Variants in TPST1 observed in about 807,000 individuals in gnomAD.
TPST1 encodes protein-tyrosine sulfotransferase 1.
TPST1 carries 20 observed loss-of-function variants against 34.8 expected under a neutral mutation model. The observed-to-expected ratio is 0.57, with a 90% CI of 0.40 to 0.84. The LOEUF is 0.84. TPST1 is among the 40% of genes least tolerant of loss of function. The pLI is 0.00. For missense variants in TPST1, 353 were observed against 455.5 expected, an observed-to-expected ratio of 0.78 and a Z score of 2.05; for synonymous variants, 152 against 159.4, an observed-to-expected ratio of 0.95 and a Z score of 0.35.
At chr7:66,357,624 C>T (rs1792606866) in intron 5 of TPST1, among the ~76,000 whole-genome samples, 1 of 152,184 alleles carries the variant, frequency 6.6e-6, no homozygotes, top group African/African-American at 2.4e-5. Context: ...TCATGAGTGG[C>T]AAAGCTGGTT....
intron 3 of TPST1, among the ~76,000 whole-genome samples, chr7:66,324,438 T>C (rs1791819594): frequency 1.3e-5 from 2 of 152,184 alleles, no homozygotes; most frequent in South Asian, 2.1e-4. Flanking sequence ...TTTACATATA[T>C]ACTTTTATTA....
intron 3 of TPST1, among the ~76,000 whole-genome samples, chr7:66,314,097 T>G (rs766857707): frequency 2.6e-5 from 4 of 152,200 alleles, no homozygotes; most frequent in African/African-American, 4.8e-5. Context: ...CTAGGTAAAT[T>G]GTGTGGTTTC....
chr7:66,315,382 G>T (rs926049481), intron 3 of TPST1, among the ~76,000 whole-genome samples: 3 of 152,230 alleles, frequency 2.0e-5, no homozygotes, highest in African/African-American at 7.2e-5. Context: ...TCAGCACAGA[G>T]GCAAGGTTGA....
chr7:66,202,176 T>G (rs1309618071), upstream of TPST1, among the ~76,000 whole-genome samples: 1 of 152,202 alleles, frequency 6.6e-6, no homozygotes, highest in Non-Finnish European at 1.5e-5. Flanking sequence ...CTATATGTGT[T>G]GGGGCAGATT....
chr7:66,347,434 GT>G (rs1391005377), intron 3 of TPST1, among the ~76,000 whole-genome samples: 1 of 152,094 alleles, frequency 6.6e-6, no homozygotes, highest in African/African-American at 2.4e-5. Context: ...TGAAGAGACT[GT>G]TCTTTCCCCA....
chr7:66,261,969 A>C (rs973652221), intron 2 of TPST1, among the ~76,000 whole-genome samples: 1 of 152,136 alleles, frequency 6.6e-6, no homozygotes, highest in Non-Finnish European at 1.5e-5. Flanking sequence ...ATGCCAGGAG[A>C]ACCATGTCTG....
chr7:66,271,025 A>G (rs943446953), intron 2 of TPST1, among the ~76,000 whole-genome samples: 2 of 152,226 alleles, frequency 1.3e-5, no homozygotes, highest in East Asian at 1.9e-4. Context: ...TACAAAAAGC[A>G]TAATAAATAC....
At chr7:66,324,800 CAAAAAAAAAAA>C (rs56389964) in intron 3 of TPST1, among the ~76,000 whole-genome samples, 24 of 109,272 alleles carry the variant, frequency 2.2e-4, no homozygotes, top group African/African-American at 3.4e-4. Flanking sequence ...GACTCTGTCT[CAAAAAAAAAAA>C]AAAAAAAAAA....
At chr7:66,241,688 A>G (rs1790039453) in intron 2 of TPST1, among the ~76,000 whole-genome samples, 1 of 152,204 alleles carries the variant, frequency 6.6e-6, no homozygotes, top group African/African-American at 2.4e-5. Context: ...AAAATCAGGA[A>G]GTGCATATAT....
At chr7:66,245,229 G>A (rs1790123045) in intron 2 of TPST1, among the ~76,000 whole-genome samples, 2 of 152,202 alleles carry the variant, frequency 1.3e-5, no homozygotes, top group Admixed American at 1.3e-4. Context: ...CACCACTGCA[G>A]GAGGTACAGG....
At chr7:66,215,771 CTTTCT>C (rs1789389778) in intron 1 of TPST1, among the ~76,000 whole-genome samples, 2 of 108,532 alleles carry the variant, frequency 1.8e-5, no homozygotes, top group African/African-American at 3.7e-5. Context: ...TTTTCTTTTT[CTTTCT>C]TTTTTTTTTT....
intron 3 of TPST1, among the ~76,000 whole-genome samples, chr7:66,345,520 A>G (rs1009008871): frequency 2.4e-4 from 36 of 150,708 alleles, no homozygotes; most frequent in Admixed American, 1.3e-4. Flanking sequence ...AAAAAGATAA[A>G]TACAAGAAAG....
chr7:66,355,983 C>G (rs556542060), intron 4 of TPST1, among the ~76,000 whole-genome samples: 3 of 148,662 alleles, frequency 2.0e-5, no homozygotes, highest in Non-Finnish European at 3.0e-5. Flanking sequence ...TAAGCCCAGA[C>G]AGCTGTGATT....
At chr7:66,311,406 T>C (rs1732533690) in intron 3 of TPST1, among the ~76,000 whole-genome samples, 2 of 152,214 alleles carry the variant, frequency 1.3e-5, no homozygotes, top group Admixed American at 6.5e-5. Context: ...CCCAAAGTGC[T>C]GGGATTACAG....
intron 1 of TPST1, among the ~76,000 whole-genome samples, chr7:66,238,219 G>C (rs1789950926): frequency 6.6e-6 from 1 of 152,078 alleles, no homozygotes; most frequent in African/African-American, 2.4e-5. Context: ...AGTTCCTTCA[G>C]ACCTCCAATA....
Position 66,241,072 on chromosome 7 carries a change from A to G in TPST1, c.647A>G (p.Asn216Ser). The change falls in exon 2 of 6, where the codon AAT (asparagine) becomes AGT (serine). Residue 216 changes from asparagine (N) to serine (S), a missense_variant. Physicochemically the swap from Asn to Ser is conservative, Grantham distance 46. Transcript: ENST00000304842. Reference sequence around the variant, plus strand: ...TATAGGGACTGTTTGACAAAGTGGAATCGTGCTATAGAGACCATGTATAAC... The same window carrying G: ...TATAGGGACTGTTTGACAAAGTGGAGTCGTGCTATAGAGACCATGTATAAC... Reference protein sequence around the residue: ...NSYRDCLTKWNRAIETMYNQC... With the variant: ...NSYRDCLTKWSRAIETMYNQC... 6.2e-7 allele frequency: 1 copy of G among 1,614,198 alleles called. No homozygotes were observed. The highest frequency in any genetic ancestry group is 2.2e-5 in the East Asian group (1 of 44,880).
chr7:66,279,752 A>G (rs1175248071), intron 2 of TPST1, among the ~76,000 whole-genome samples: 1 of 152,154 alleles, frequency 6.6e-6, no homozygotes, highest in African/African-American at 2.4e-5. Context: ...GTATAATTCT[A>G]GAGGGCCCAG....
chr7:66,222,502 G>A (rs1468681217), intron 1 of TPST1, among the ~76,000 whole-genome samples: 1 of 152,156 alleles, frequency 6.6e-6, no homozygotes, highest in Non-Finnish European at 1.5e-5. Flanking sequence ...ATAGTCTAGT[G>A]AGGTAAACTA....
At chr7:66,298,980 G>A (rs903061402) in intron 3 of TPST1, among the ~76,000 whole-genome samples, 4 of 152,010 alleles carry the variant, frequency 2.6e-5, no homozygotes, top group Admixed American at 2.0e-4. Context: ...AAAAGAATTA[G>A]CTGGGCTTGG....
Sources: allele counts gnomAD v4.1 joint callset (sites outside exome capture counted in the v4.1 genomes callset), GRCh38; gene constraint gnomAD v4.1.1; transcripts MANE v1.5; gene names NCBI Gene and HGNC (gene_info 2026-07-23, HGNC 2026-07-21).